PDCD6IP: variants seen among roughly 807,000 people sequenced by gnomAD.
PDCD6IP encodes the protein programmed cell death 6 interacting protein.
PDCD6IP carries 43 observed loss-of-function variants against 103.7 expected under a neutral mutation model. The ratio of observed to expected loss-of-function variants is 0.41; its 90% confidence interval spans 0.32 to 0.53. The LOEUF is 0.53. Ranked by LOEUF, PDCD6IP falls within the 20% of genes least tolerant of loss-of-function variation. The pLI is 0.16. For missense variants in PDCD6IP, 871 were observed against 1,036.7 expected, an observed-to-expected ratio of 0.84 and a Z score of 2.20; for synonymous variants, 354 against 378.7, an observed-to-expected ratio of 0.93 and a Z score of 0.76.
intron 15 of PDCD6IP, among the ~76,000 whole-genome samples, chr3:33,858,466 A>G (rs1174751625): frequency 6.6e-6 from 1 of 152,208 alleles, no homozygotes; most frequent in Non-Finnish European, 1.5e-5. Flanking sequence ...ACTGTACTCC[A>G]GTCTGGGCAA....
intron 6 of PDCD6IP, chr3:33,828,595 T>TA (rs1400670269): frequency 5.2e-5 from 13 of 251,838 alleles, no homozygotes; most frequent in African/African-American, 2.9e-4. Context: ...AAGAGAATTG[T>TA]AAAAACCTAA....
intron 3 of PDCD6IP, among the ~76,000 whole-genome samples, chr3:33,814,949 C>G (rs9867305): frequency 6.9e-6 from 1 of 145,542 alleles, no homozygotes; most frequent in African/African-American, 2.5e-5. Flanking sequence ...TATACACATG[C>G]ATTATATATA....
intron 15 of PDCD6IP, 167 bp downstream of exon 15, chr3:33,855,427 A>G: frequency 2.2e-6 from 1 of 454,676 alleles, no homozygotes; most frequent in Non-Finnish European, 4.0e-6. Context: ...CAGCTGCATA[A>G]TCTGGGAATG....
intron 1 of PDCD6IP, among the ~76,000 whole-genome samples, chr3:33,801,752 C>A (rs1402645414): frequency 6.6e-6 from 1 of 152,270 alleles, no homozygotes; most frequent in East Asian, 1.9e-4. Flanking sequence ...GGGAACCCTG[C>A]TGGTTTTTTA....
intron 14 of PDCD6IP, chr3:33,854,901 G>A (rs9866010): frequency 0.29 from 60,579 of 210,076 alleles, 9,166 homozygotes; most frequent in East Asian, 0.4. Flanking sequence ...AATTAGGAAG[G>A]TTTTCATGAT....
chr3:33,853,265 A>G (rs1453826984), intron 13 of PDCD6IP, among the ~76,000 whole-genome samples: 1 of 152,148 alleles, frequency 6.6e-6, no homozygotes, highest in Non-Finnish European at 1.5e-5. Context: ...CATATTACTT[A>G]GGAGTGCTTG....
chr3:33,834,850 A>C (rs1054305209), intron 7 of PDCD6IP, among the ~76,000 whole-genome samples: 1 of 152,138 alleles, frequency 6.6e-6, no homozygotes, highest in African/African-American at 2.4e-5. Context: ...AGTGTTCTCT[A>C]TGTCTGGTAA....
intron 5 of PDCD6IP, among the ~76,000 whole-genome samples, chr3:33,826,266 T>C (rs1440432430): frequency 6.6e-6 from 1 of 152,120 alleles, no homozygotes; most frequent in East Asian, 1.9e-4. Context: ...AAAGAAGCCA[T>C]GTACCCATTA....
At position 33,858,537 on chromosome 3, in the gene PDCD6IP, G is replaced by A. The variant is rs556777418; in HGVS notation, c.2120+3277G>A. On this transcript the variant is annotated intron_variant, in intron 15 of 17. Transcript: ENST00000307296. ...AAGAAATAAACATATGCGGCCAGGC[G>A]CGGTGGCTCACGCCTGAAATCCCAG... Among the ~76,000 whole-genome samples, 9 of 152,162 alleles carry A rather than the reference G, an allele frequency of 5.9e-5. No homozygotes were observed. The South Asian group carries it at 6.2e-4, about 11-fold the overall frequency.
At chr3:33,813,818 G>A (rs1159162757) in intron 3 of PDCD6IP, among the ~76,000 whole-genome samples, 190 bp downstream of exon 3, 1 of 152,136 alleles carries the variant, frequency 6.6e-6, no homozygotes, top group Non-Finnish European at 1.5e-5. Flanking sequence ...GCCAGGCACT[G>A]TCCTAGTTAT....
intron 1 of PDCD6IP, among the ~76,000 whole-genome samples, chr3:33,808,054 CTT>C (rs1232252126): frequency 2.0e-5 from 3 of 152,110 alleles, no homozygotes; most frequent in African/African-American, 7.2e-5. Context: ...TAGAAGAAAA[CTT>C]TGCATTTTAC....
At chr3:33,806,114 C>T (rs1696592135) in intron 1 of PDCD6IP, among the ~76,000 whole-genome samples, 1 of 152,010 alleles carries the variant, frequency 6.6e-6, no homozygotes, top group South Asian at 2.1e-4. Flanking sequence ...GTATTTATTT[C>T]CTAGTTTCTT....
At chr3:33,806,225 T>TG (rs1369543644) in intron 1 of PDCD6IP, among the ~76,000 whole-genome samples, 2 of 152,252 alleles carry the variant, frequency 1.3e-5, no homozygotes, top group Admixed American at 6.5e-5. Context: ...TCTCCATTGT[T>TG]GCAAAACAGT....
At chr3:33,865,559 T>C (rs1400179647) in intron 17 of PDCD6IP, 129 bp downstream of exon 17, 3 of 643,646 alleles carry the variant, frequency 4.7e-6, no homozygotes, top group Non-Finnish European at 5.1e-6. Flanking sequence ...ACTGTCAGCT[T>C]ATCCAGAAAT....
At chr3:33,819,328 A>G (rs1370305701) in intron 3 of PDCD6IP, among the ~76,000 whole-genome samples, 3 of 152,094 alleles carry the variant, frequency 2.0e-5, no homozygotes, top group Admixed American at 6.5e-5. Context: ...TTATGGATGT[A>G]CTGTCTTTGA....
chr3:33,802,892 C>T (rs1029011622), intron 1 of PDCD6IP, among the ~76,000 whole-genome samples: 1 of 152,172 alleles, frequency 6.6e-6, no homozygotes, highest in African/African-American at 2.4e-5. Flanking sequence ...CTCGTTCCAG[C>T]CTCACATTGA....
intron 1 of PDCD6IP, among the ~76,000 whole-genome samples, chr3:33,801,169 T>G (rs1440756871): frequency 2.0e-5 from 3 of 152,168 alleles, no homozygotes; most frequent in Admixed American, 2.0e-4. Flanking sequence ...GTACAAAAGT[T>G]TTGTAGGTAT....
At chr3:33,843,871 TTCC>T (rs1475968777) in intron 10 of PDCD6IP, among the ~76,000 whole-genome samples, 5 of 141,162 alleles carry the variant, frequency 3.5e-5, no homozygotes, top group African/African-American at 1.1e-4. Flanking sequence ...CTCTTATTTA[TTCC>T]TCCTTTTTTT....
chr3:33,848,465 CGCAATCTTG>C (rs920905065), intron 12 of PDCD6IP, among the ~76,000 whole-genome samples: 2 of 150,916 alleles, frequency 1.3e-5, no homozygotes, highest in Admixed American at 6.6e-5. Flanking sequence ...AGAGCAGTGG[CGCAATCTTG>C]GCTCACTGCA....
Sources: gnomAD v4.1 joint callset for allele counts (sites outside exome capture counted in the v4.1 genomes callset) on GRCh38, gnomAD v4.1.1 for gene constraint, MANE v1.5 for transcripts, NCBI Gene and HGNC (gene_info 2026-07-23, HGNC 2026-07-21) for gene names.